TEX11: variants seen among roughly 807,000 people sequenced by gnomAD.
The protein encoded by TEX11 is testis-expressed protein 11.
TEX11 carries 7 observed loss-of-function variants against 84.4 expected under a neutral mutation model. That is an observed-to-expected ratio of 0.08 (90% CI 0.05 to 0.16). The LOEUF (loss-of-function observed/expected upper bound fraction) is 0.16. Among genes scored for constraint, TEX11 ranks in the 10% least tolerant of loss-of-function variants. TEX11 has a pLI of 1.00. For missense variants in TEX11, 551 were observed against 660.5 expected, an observed-to-expected ratio of 0.83 and a Z score of 1.82; for synonymous variants, 264 against 222.8, an observed-to-expected ratio of 1.18 and a Z score of -1.64.
chrX:70,773,794 C>A (rs1178247944), intron 9 of TEX11, among the ~76,000 whole-genome samples: 2 of 111,734 alleles, frequency 1.8e-5, no homozygotes, highest in Admixed American at 9.6e-5. Context: ...TTCAATAGAT[C>A]ATCCAAGAGA....
chrX:70,669,265 C>G (rs2090002489), intron 16 of TEX11, among the ~76,000 whole-genome samples: 1 of 111,799 alleles, frequency 8.9e-6, no homozygotes. Context: ...TGTCTACATC[C>G]AGATATAGGT....
chrX:70,693,979 C>A (rs977847439), intron 13 of TEX11, among the ~76,000 whole-genome samples: 18 of 111,882 alleles, frequency 1.6e-4, no homozygotes, highest in African/African-American at 5.5e-4. Context: ...CAAACCTGCA[C>A]ATGTACTTCT....
Position 70,603,524 on chromosome X carries a change from C to T in TEX11, c.2067+1877G>A, listed in dbSNP as rs764757101. On this transcript the variant is annotated intron_variant, in intron 24 of 29. Transcript: ENST00000374333. The stretch of plus-strand genomic sequence containing the variant: ...TATGTAGAAAGCTGAAACTGGATCC[C>T]TTCCTTACACCTTATACAAAAATCA... Among the ~76,000 whole-genome samples, 324 of 106,791 alleles carry T rather than the reference C, an allele frequency of 3.0e-3. 1 individual carries two copies. The highest frequency in any genetic ancestry group is 0.01 in the African/African-American group (300 of 29,555). The allele number at this position is 106,791 out of a possible 115,157, so 92.7% of individuals were successfully genotyped here.
At chrX:70,788,136 T>G (rs1262225851) in intron 9 of TEX11, among the ~76,000 whole-genome samples, 1 of 111,738 alleles carries the variant, frequency 8.9e-6, no homozygotes, top group African/African-American at 3.3e-5. Context: ...AATTCCAATA[T>G]CAATTTTCAT....
chrX:70,825,488 T>C (rs1326269890), intron 8 of TEX11, among the ~76,000 whole-genome samples: 1 of 110,721 alleles, frequency 9.0e-6, no homozygotes, highest in African/African-American at 3.3e-5. Context: ...ATCAGATGTT[T>C]TAAAACTGTT....
intron 17 of TEX11, among the ~76,000 whole-genome samples, chrX:70,641,161 G>C (rs1237159495): frequency 9.0e-6 from 1 of 111,274 alleles, no homozygotes; most frequent in East Asian, 2.8e-4. Context: ...AAGATCAAAA[G>C]AGACAAAGAA....
chrX:70,591,927 A>G, intron 24 of TEX11, 104 bp from the exon 25 acceptor site: 1 of 524,903 alleles, frequency 1.9e-6, no homozygotes, highest in Non-Finnish European at 3.0e-6. Flanking sequence ...GTAAAAATAA[A>G]TTAATAGAAA....
At chrX:70,537,645 G>A (rs1340575027) in intron 28 of TEX11, among the ~76,000 whole-genome samples, 1 of 111,590 alleles carries the variant, frequency 9.0e-6, no homozygotes, top group Admixed American at 9.6e-5. Context: ...GAAAAGACGA[G>A]TGATTTGAAG....
At chrX:70,701,571 T>TA (rs1407927873) in intron 13 of TEX11, among the ~76,000 whole-genome samples, 1 of 112,428 alleles carries the variant, frequency 8.9e-6, no homozygotes, top group Non-Finnish European at 1.9e-5. Flanking sequence ...TCATGCCTGC[T>TA]AATACAACAT....
At chrX:70,729,864 C>G (rs2147729877) in intron 11 of TEX11, among the ~76,000 whole-genome samples, 1 of 111,581 alleles carries the variant, frequency 9.0e-6, no homozygotes, top group East Asian at 2.8e-4. Context: ...TTGTCAGATT[C>G]ACCAAAGTTG....
At chrX:70,734,315 G>GA (rs950578809) in intron 11 of TEX11, among the ~76,000 whole-genome samples, 10 of 107,035 alleles carry the variant, frequency 9.3e-5, no homozygotes, top group African/African-American at 1.7e-4. Context: ...TAAAAAAAAA[G>GA]AAAAAAAAAG....
the TEX11 span, among the ~76,000 whole-genome samples, chrX:70,513,782 G>A: frequency 1.3e-4 from 14 of 108,581 alleles, no homozygotes; most frequent in Admixed American, 1.4e-3. Context: ...TGTGTTTACC[G>A]AGAGCCGTGT....
At chrX:70,590,192 T>A (rs1324927484) in intron 25 of TEX11, among the ~76,000 whole-genome samples, 7 of 112,155 alleles carry the variant, frequency 6.2e-5, no homozygotes, top group Non-Finnish European at 1.9e-5. Flanking sequence ...ATAAGTATTT[T>A]ATTTGGGTTT....
intron 18 of TEX11, among the ~76,000 whole-genome samples, chrX:70,627,495 C>T (rs2147557687): frequency 9.0e-6 from 1 of 111,639 alleles, no homozygotes; most frequent in African/African-American, 3.3e-5. Context: ...TGGTGTGATT[C>T]CTGGTGTGTG....
At chrX:70,599,280 T>C (rs2089055943) in intron 24 of TEX11, among the ~76,000 whole-genome samples, 1 of 112,314 alleles carries the variant, frequency 8.9e-6, no homozygotes. Context: ...CAGCTGGCAG[T>C]AGTTTACCCA....
At chrX:70,716,581 C>T (rs1381049695) in intron 13 of TEX11, among the ~76,000 whole-genome samples, 1 of 112,726 alleles carries the variant, frequency 8.9e-6, no homozygotes, top group African/African-American at 3.2e-5. Context: ...GCGTAGGACC[C>T]TCCAAACCAT....
chrX:70,778,667 T>C (rs2091017287), intron 9 of TEX11, among the ~76,000 whole-genome samples: 1 of 111,181 alleles, frequency 9.0e-6, no homozygotes, highest in Non-Finnish European at 1.9e-5. Flanking sequence ...TTTGTTTGTT[T>C]GTTTTTCTGG....
rs754966237 is a variant in TEX11, at chrX:70,907,283, C to T, written c.37+470G>A. ...AGTTATGAATTGTGAATTCTGTCTC[C>T]CTACACTAGTTCATAAAAAGGTTCC... On this transcript the variant is annotated intron_variant, in intron 2 of 29. Coordinates refer to ENST00000374333, the MANE Select transcript of TEX11 (RefSeq NM_031276.3). Among the ~76,000 whole-genome samples the T allele has an allele frequency of 3.6e-5, 4 of 111,717 alleles. No individual in the cohort carries two copies. The South Asian group carries it at 1.1e-3, about 31-fold the overall frequency.
chrX:70,767,533 A>G (rs945099955), intron 9 of TEX11, among the ~76,000 whole-genome samples: 1 of 111,779 alleles, frequency 8.9e-6, no homozygotes, highest in African/African-American at 3.2e-5. Flanking sequence ...CAGGGATGTA[A>G]ATTAGTACAA....
Sources: allele counts gnomAD v4.1 joint callset (sites outside exome capture counted in the v4.1 genomes callset), GRCh38; gene constraint gnomAD v4.1.1; transcripts MANE v1.5; gene names NCBI Gene and HGNC (gene_info 2026-07-23, HGNC 2026-07-21).